The following ARSB variants were observed in gnomAD, a reference collection of about 807,000 sequenced individuals.
ARSB encodes the protein N-acetylgalactosamine-4-sulfatase.
Under a neutral mutation model 50.9 loss-of-function variants are expected in ARSB, and 41 were observed. That is an observed-to-expected ratio of 0.81 (90% CI 0.63 to 1.04). The LOEUF is 1.04. Ranked by LOEUF, ARSB falls within the 50% of genes least tolerant of loss-of-function variation. The probability of loss-of-function intolerance (pLI) is 0.00; values close to 1 mark genes in which losing one functional copy is unlikely to be tolerated. For synonymous variants in ARSB, 269 were observed against 284.8 expected, an observed-to-expected ratio of 0.94 and a Z score of 0.56; for missense variants, 672 against 693.3, an observed-to-expected ratio of 0.97 and a Z score of 0.35.
Position 78,981,691 on chromosome 5 carries a change from A to G in ARSB, c.312+3246T>C, listed in dbSNP as rs1177951666. Among the ~76,000 whole-genome samples the G allele has an allele frequency of 2.0e-5, 3 of 152,252 alleles. No individual in the cohort carries two copies. The East Asian group carries it at 5.8e-4, about 29-fold the overall frequency. ...CAGCGAGGTCACAGTCTGACCAGCCAAGACCAAAACCTACATCTCAGTTCC... is the reference window on the plus strand; with the variant it reads ...CAGCGAGGTCACAGTCTGACCAGCCGAGACCAAAACCTACATCTCAGTTCC... On this transcript the variant is annotated intron_variant, in intron 1 of 7. Coordinates refer to ENST00000264914, the MANE Select transcript of ARSB (RefSeq NM_000046.5).
chr5:78,892,189 C>T (rs536254973), intron 4 of ARSB, among the ~76,000 whole-genome samples: 3 of 151,178 alleles, frequency 2.0e-5, no homozygotes, highest in South Asian at 2.1e-4. Flanking sequence ...CAAAACATCA[C>T]GTTTTCATAA....
intron 4 of ARSB, among the ~76,000 whole-genome samples, chr5:78,910,887 T>C (rs1002553785): frequency 1.3e-5 from 2 of 152,148 alleles, no homozygotes; most frequent in Non-Finnish European, 2.9e-5. Context: ...TTCTAACAAG[T>C]TTCCAGGTGA....
chr5:78,830,945 T>G (rs767599049), intron 6 of ARSB, among the ~76,000 whole-genome samples: 1 of 152,204 alleles, frequency 6.6e-6, no homozygotes, highest in African/African-American at 2.4e-5. Context: ...AGATTTCAGA[T>G]ATTCCATGCT....
chr5:78,916,162 A>G (rs1749535781), intron 4 of ARSB, among the ~76,000 whole-genome samples: 1 of 152,366 alleles, frequency 6.6e-6, no homozygotes, highest in East Asian at 1.9e-4. Flanking sequence ...AACAGCTGAT[A>G]ATAATTACAC....
intron 4 of ARSB, among the ~76,000 whole-genome samples, chr5:78,941,831 T>C (rs1300970783): frequency 1.3e-5 from 2 of 152,206 alleles, no homozygotes; most frequent in Non-Finnish European, 2.9e-5. Flanking sequence ...CTTTTTCTAT[T>C]GATTGGAATA....
At chr5:78,851,712 A>T (rs1424372357) in intron 5 of ARSB, among the ~76,000 whole-genome samples, 1 of 151,960 alleles carries the variant, frequency 6.6e-6, no homozygotes, top group Non-Finnish European at 1.5e-5. Flanking sequence ...TTTGTAGGTC[A>T]CTCAGGACTT....
At chr5:78,956,012 T>C (rs1203104092) in intron 3 of ARSB, among the ~76,000 whole-genome samples, 2 of 152,234 alleles carry the variant, frequency 1.3e-5, no homozygotes, top group Non-Finnish European at 2.9e-5. Context: ...AGAGTTACCA[T>C]ATGACCCAGC....
chr5:78,808,401 C>T (rs1301512608), intron 6 of ARSB, among the ~76,000 whole-genome samples: 1 of 152,118 alleles, frequency 6.6e-6, no homozygotes, highest in Non-Finnish European at 1.5e-5. Flanking sequence ...AGCAATGTTT[C>T]CTAGAACATT....
At chr5:78,911,559 G>T (rs1749306869) in intron 4 of ARSB, among the ~76,000 whole-genome samples, 1 of 121,188 alleles carries the variant, frequency 8.3e-6, no homozygotes, top group Non-Finnish European at 1.6e-5. Flanking sequence ...GGGGAACAGA[G>T]TGAGACTCCC....
intron 6 of ARSB, among the ~76,000 whole-genome samples, chr5:78,825,449 A>C (rs955442275): frequency 3.3e-5 from 5 of 152,220 alleles, no homozygotes; most frequent in Admixed American, 1.3e-4. Flanking sequence ...TATACATTTG[A>C]AAATATGATT....
intron 5 of ARSB, among the ~76,000 whole-genome samples, chr5:78,873,498 A>ATTTATTTTTT (rs1384803466): frequency 1.1e-5 from 1 of 93,214 alleles, no homozygotes; most frequent in Non-Finnish European, 2.1e-5. Context: ...TAAAACTGTA[A>ATTTATTTTTT]TTTTTTTTTT....
In ARSB at chr5:78,780,339, T is replaced by C. The variant is rs1014704758; in HGVS notation, c.*58A>G. 2.5e-6 allele frequency: 4 copies of C among 1,609,452 alleles called. No individual in the cohort carries two copies. In the African/African-American group the frequency reaches 5.3e-5, roughly 22 times the overall value. ...GGGATAACAAATGAGACAAGAGTCG[T>C]GAGAAAAGGCCTGAGGTCCAACTTC... is the stretch of plus-strand genomic sequence containing the variant. On this transcript the variant is annotated 3_prime_UTR_variant, in exon 8 of 8. Coordinates refer to ENST00000264914, the MANE Select transcript of ARSB (RefSeq NM_000046.5).
At chr5:78,805,267 T>C (rs16875949) in intron 6 of ARSB, among the ~76,000 whole-genome samples, 24,844 of 152,172 alleles carry the variant, frequency 0.16, 2,519 homozygotes, top group African/African-American at 0.28. Context: ...TTTCCACTTA[T>C]CTGTATGGAG....
chr5:78,863,307 C>T (rs1190558530), intron 5 of ARSB, among the ~76,000 whole-genome samples: 3 of 152,178 alleles, frequency 2.0e-5, no homozygotes, highest in South Asian at 2.1e-4. Context: ...CACATGCACA[C>T]GTATGTTTAT....
chr5:78,782,644 C>G (rs901408714), intron 6 of ARSB, among the ~76,000 whole-genome samples: 46 of 152,264 alleles, frequency 3.0e-4, no homozygotes, highest in African/African-American at 9.9e-4. Context: ...AATTACTAAT[C>G]TCTACCACCT....
chr5:78,930,956 G>A (rs897557562), intron 4 of ARSB, among the ~76,000 whole-genome samples: 5 of 152,152 alleles, frequency 3.3e-5, no homozygotes, highest in East Asian at 1.9e-4. Context: ...GGAGGAAGGC[G>A]ACTGTAGTCT....
intron 4 of ARSB, among the ~76,000 whole-genome samples, chr5:78,925,458 A>G (rs1202161735): frequency 6.6e-6 from 1 of 152,164 alleles, no homozygotes; most frequent in African/African-American, 2.4e-5. Flanking sequence ...GCCTCCGAGA[A>G]GCTAGCAAGG....
At chr5:78,785,938 T>C (rs1749069368) in intron 6 of ARSB, among the ~76,000 whole-genome samples, 2 of 152,226 alleles carry the variant, frequency 1.3e-5, no homozygotes, top group Admixed American at 1.3e-4. Context: ...CTTTTCCTTC[T>C]AATCAATAGG....
At chr5:78,898,432 C>A (rs1748667598) in intron 4 of ARSB, among the ~76,000 whole-genome samples, 1 of 152,122 alleles carries the variant, frequency 6.6e-6, no homozygotes, top group African/African-American at 2.4e-5. Context: ...ATGAGGCCAG[C>A]ATTACTCTGA....
Sources: gnomAD v4.1 joint callset for allele counts (sites outside exome capture counted in the v4.1 genomes callset) on GRCh38, gnomAD v4.1.1 for gene constraint, MANE v1.5 for transcripts, NCBI Gene and HGNC (gene_info 2026-07-23, HGNC 2026-07-21) for gene names.